The following ATP2B2 variants were observed in gnomAD, a reference collection of about 807,000 sequenced individuals.
ATP2B2 encodes plasma membrane calcium-transporting ATPase 2.
A neutral mutation model predicts 120.0 loss-of-function variants in ATP2B2; 15 were observed. That is an observed-to-expected ratio of 0.12 (90% CI 0.08 to 0.19). The LOEUF (loss-of-function observed/expected upper bound fraction) is 0.19. Among genes scored for constraint, ATP2B2 ranks in the 10% least tolerant of loss-of-function variants. ATP2B2 has a pLI of 1.00. For missense variants in ATP2B2, 1,045 were observed against 1,719.8 expected, an observed-to-expected ratio of 0.61 and a Z score of 6.94; for synonymous variants, 694 against 700.3, an observed-to-expected ratio of 0.99 and a Z score of 0.14.
chr3:10,362,959 AG>A (rs1167879620), intron 12 of ATP2B2, among the ~76,000 whole-genome samples: 1 of 152,148 alleles, frequency 6.6e-6, no homozygotes. Context: ...TTTCCATAAC[AG>A]TTTTTTCTCC....
intron 3 of ATP2B2, among the ~76,000 whole-genome samples, chr3:10,406,065 C>A (rs1299559666): frequency 6.6e-6 from 1 of 152,224 alleles, no homozygotes; most frequent in East Asian, 1.9e-4. Flanking sequence ...GCACCCATAG[C>A]CCTGCCCCAA....
intron 22 of ATP2B2, among the ~76,000 whole-genome samples, chr3:10,333,430 G>C (rs534374982): frequency 3.9e-5 from 6 of 152,218 alleles, no homozygotes; most frequent in African/African-American, 1.4e-4. Context: ...CCTGTGGGAG[G>C]AAAGCACACT....
At chr3:10,613,519 C>T (rs952137313) in intron 2 of ATP2B2, among the ~76,000 whole-genome samples, 1 of 152,040 alleles carries the variant, frequency 6.6e-6, no homozygotes, top group Non-Finnish European at 1.5e-5. Flanking sequence ...GATTAGTGCC[C>T]TTGATGACTT....
intron 1 of ATP2B2, among the ~76,000 whole-genome samples, chr3:10,642,866 A>T (rs955848167): frequency 2.0e-5 from 3 of 152,070 alleles, no homozygotes; most frequent in Non-Finnish European, 4.4e-5. Context: ...CTTCCTCCCC[A>T]TACACTGAGG....
chr3:10,517,076 C>T (rs1368489544), intron 3 of ATP2B2, among the ~76,000 whole-genome samples: 6 of 152,118 alleles, frequency 3.9e-5, no homozygotes, highest in African/African-American at 7.2e-5. Flanking sequence ...AATAACAAAA[C>T]GACAAAGGTC....
chr3:10,621,235 G>C (rs6796233), intron 1 of ATP2B2, among the ~76,000 whole-genome samples: 17,514 of 152,028 alleles, frequency 0.12, 2,180 homozygotes, highest in African/African-American at 0.31. Flanking sequence ...TCCTCCCACT[G>C]TTGAGCCAGC....
At chr3:10,441,563 C>T (rs1355291877) in intron 2 of ATP2B2, among the ~76,000 whole-genome samples, 1 of 152,190 alleles carries the variant, frequency 6.6e-6, no homozygotes, top group Admixed American at 6.5e-5. Flanking sequence ...ATCCTCTGCC[C>T]CCTTGAACCA....
At chr3:10,350,669 C>A in intron 14 of ATP2B2, 92 bp from the exon 15 acceptor site, 1 of 1,389,358 alleles carries the variant, frequency 7.2e-7, no homozygotes. Flanking sequence ...TTCTCACAGG[C>A]AGCTCTACTG....
intron 3 of ATP2B2, among the ~76,000 whole-genome samples, chr3:10,519,811 A>G (rs1668399885): frequency 1.3e-5 from 2 of 152,246 alleles, no homozygotes; most frequent in African/African-American, 4.8e-5. Context: ...ACATTGGCTC[A>G]GAACTCACTC....
intron 1 of ATP2B2, among the ~76,000 whole-genome samples, chr3:10,452,035 G>T (rs778292801): frequency 2.6e-5 from 4 of 152,340 alleles, no homozygotes; most frequent in African/African-American, 9.6e-5. Flanking sequence ...ATAAGTGAAT[G>T]AATGAAAAGC....
chr3:10,585,487 C>T (rs2068486348), intron 2 of ATP2B2, among the ~76,000 whole-genome samples: 2 of 54,920 alleles, frequency 3.6e-5, no homozygotes, highest in African/African-American at 1.9e-4. Flanking sequence ...GAGCGAGACT[C>T]CGTCTGAAAA....
chr3:10,621,252 C>T (rs78849252), intron 1 of ATP2B2, among the ~76,000 whole-genome samples: 1,682 of 152,282 alleles, frequency 0.011, 30 homozygotes, highest in African/African-American at 0.038. Context: ...CAGCCTGTCC[C>T]CTTCCCAGAA....
chr3:10,518,737 C>A (rs1281892103), intron 3 of ATP2B2, among the ~76,000 whole-genome samples: 1 of 152,246 alleles, frequency 6.6e-6, no homozygotes, highest in Non-Finnish European at 1.5e-5. Context: ...GGAGGCCTGG[C>A]CCTTCTTTGA....
intron 22 of ATP2B2, chr3:10,336,013 C>T: frequency 1.6e-6 from 2 of 1,264,962 alleles, no homozygotes; most frequent in Non-Finnish European, 2.2e-6. Context: ...GACCCTTCAT[C>T]CCCCTGGGCC....
intron 3 of ATP2B2, among the ~76,000 whole-genome samples, chr3:10,531,931 C>A (rs4564963): frequency 6.6e-6 from 1 of 151,618 alleles, no homozygotes; most frequent in Non-Finnish European, 1.5e-5. Context: ...TCTGAGGCTA[C>A]AAGTTCATCA....
At chr3:10,379,592 G>A (rs1484080563) in intron 8 of ATP2B2, among the ~76,000 whole-genome samples, 3 of 152,188 alleles carry the variant, frequency 2.0e-5, no homozygotes, top group African/African-American at 7.2e-5. Context: ...AGAGGGTGCA[G>A]GGGATTAGAG....
At chr3:10,612,066 C>A (rs2125609829) in intron 2 of ATP2B2, among the ~76,000 whole-genome samples, 1 of 152,282 alleles carries the variant, frequency 6.6e-6, no homozygotes, top group East Asian at 1.9e-4. Context: ...CCTCTCCAAC[C>A]ACACTCTGAG....
At chr3:10,392,160 G>A (rs2061874470) in intron 5 of ATP2B2, among the ~76,000 whole-genome samples, 1 of 152,230 alleles carries the variant, frequency 6.6e-6, no homozygotes, top group East Asian at 1.9e-4. Flanking sequence ...GAGTGGGAGT[G>A]TCCTCTGGGC....
chr3:10,667,659 C>T (rs1455539754), intron 1 of ATP2B2, among the ~76,000 whole-genome samples: 4 of 152,178 alleles, frequency 2.6e-5, no homozygotes, highest in East Asian at 3.9e-4. Context: ...AACTATTCTA[C>T]AGAGGTCGAG....
Sources: allele counts gnomAD v4.1 joint callset (sites outside exome capture counted in the v4.1 genomes callset), GRCh38; gene constraint gnomAD v4.1.1; transcripts MANE v1.5; gene names NCBI Gene and HGNC (gene_info 2026-07-23, HGNC 2026-07-21).